The following ZDHHC20 variants were observed in gnomAD, a reference collection of about 807,000 sequenced individuals.
ZDHHC20 encodes zDHHC palmitoyltransferase 20.
In ZDHHC20, 43 loss-of-function variants were observed where a neutral mutation model predicts 57.8. The ratio of observed to expected loss-of-function variants is 0.74; its 90% CI spans 0.58 to 0.96. The LOEUF (loss-of-function observed/expected upper bound fraction) is 0.96, where lower values mean the gene tolerates loss of function less well. ZDHHC20 is among the 40% of genes least tolerant of loss of function. The pLI is 0.00. For synonymous variants in ZDHHC20, 157 were observed against 153.0 expected (o/e 1.03, Z -0.19); for missense variants, 391 against 441.1 (o/e 0.89, Z 1.02).
intron 1 of ZDHHC20, among the ~76,000 whole-genome samples, chr13:21,427,803 C>CCAG (rs1881436864): frequency 7.0e-6 from 1 of 142,378 alleles, no homozygotes; most frequent in Non-Finnish European, 1.5e-5. Context: ...CCACTGCACT[C>CCAG]CAGCCTGGAC....
chr13:21,399,427 A>G (rs1877300406), intron 7 of ZDHHC20, among the ~76,000 whole-genome samples: 2 of 152,058 alleles, frequency 1.3e-5, no homozygotes, highest in South Asian at 4.1e-4. Context: ...GCACATGCAC[A>G]GAGAAAATTA....
At chr13:21,427,948 CTT>C (rs1017973020) in intron 1 of ZDHHC20, among the ~76,000 whole-genome samples, 1 of 149,568 alleles carries the variant, frequency 6.7e-6, no homozygotes, top group Non-Finnish European at 1.5e-5. Context: ...TCCTACAACA[CTT>C]TATACTTTCC....
intron 1 of ZDHHC20, among the ~76,000 whole-genome samples, chr13:21,449,222 TA>T (rs1184669928): frequency 6.6e-6 from 1 of 151,696 alleles, no homozygotes; most frequent in African/African-American, 2.4e-5. Context: ...AATAAAAAAA[TA>T]AATTAAAAAA....
At chr13:21,402,686 G>T in intron 5 of ZDHHC20, 111 bp downstream of exon 5, 1 of 845,450 alleles carries the variant, frequency 1.2e-6, no homozygotes, top group Non-Finnish European at 1.9e-6. Context: ...AATGGGAGAG[G>T]ATGAAGTGTT....
At chr13:21,418,937 C>T (rs531198374) in intron 3 of ZDHHC20, among the ~76,000 whole-genome samples, 5 of 152,252 alleles carry the variant, frequency 3.3e-5, no homozygotes, top group South Asian at 2.1e-4. Context: ...CTTGGCCTTC[C>T]GAAGTGCTGG....
intron 7 of ZDHHC20, among the ~76,000 whole-genome samples, chr13:21,399,502 T>C (rs1327987014): frequency 6.6e-6 from 1 of 152,138 alleles, no homozygotes; most frequent in Non-Finnish European, 1.5e-5. Context: ...GCAGTTACTT[T>C]CAATGTTTTT....
At chr13:21,402,998 T>C in intron 4 of ZDHHC20, 132 bp from the exon 5 acceptor site, 1 of 644,182 alleles carries the variant, frequency 1.6e-6, no homozygotes, top group Non-Finnish European at 2.7e-6. Flanking sequence ...ATACCAACAA[T>C]ACCAAAATGT....
chr13:21,440,161 C>T (rs1882994771), intron 1 of ZDHHC20, among the ~76,000 whole-genome samples: 1 of 147,980 alleles, frequency 6.8e-6, no homozygotes, highest in East Asian at 2.1e-4. Context: ...AGCTCTACAA[C>T]TTACTCTCAT....
In ZDHHC20 at chr13:21,410,948, T is replaced by A. The variant is rs146614671; in HGVS notation, c.370+2704A>T. Among the ~76,000 whole-genome samples, 822 of 152,286 alleles carry A rather than the reference T, an allele frequency of 5.4e-3. 12 individuals carry two copies. Among genetic ancestry groups the A allele is most frequent in the African/African-American group, 0.019 (786 of 41,572 alleles). On this transcript the variant is annotated intron_variant, in intron 4 of 12. Coordinates refer to ENST00000400590, the MANE Select transcript of ZDHHC20 (RefSeq NM_001330059.2). ...GCAGCTAGCTCAGTGTCTGCCCAAA[T>A]GGCCACCCACTTTTGTGCTTGAAAC...
chr13:21,381,002 A>T (rs985822903), intron 11 of ZDHHC20, among the ~76,000 whole-genome samples: 14 of 151,052 alleles, frequency 9.3e-5, no homozygotes, highest in African/African-American at 1.5e-4. Context: ...TTATTTATTT[A>T]TTTTTTATTA....
At chr13:21,416,129 C>T (rs954037537) in intron 3 of ZDHHC20, among the ~76,000 whole-genome samples, 1 of 147,290 alleles carries the variant, frequency 6.8e-6, no homozygotes, top group Non-Finnish European at 1.5e-5. Flanking sequence ...TGCTTGAACC[C>T]GGGAGGTGGA....
At chr13:21,397,433 G>A (rs1248341173) in intron 7 of ZDHHC20, among the ~76,000 whole-genome samples, 2 of 152,076 alleles carry the variant, frequency 1.3e-5, no homozygotes, top group African/African-American at 2.4e-5. Flanking sequence ...AGGCCGAGGT[G>A]GGAGGACTGT....
chr13:21,381,539 T>C lies in ZDHHC20; in HGVS notation c.955A>G (p.Asn319Asp). 17 of 1,612,954 alleles carry C rather than the reference T, an allele frequency of 1.1e-5. No individual in the cohort carries two copies. The highest frequency in any genetic ancestry group is 1.4e-5 in the Non-Finnish European group (16 of 1,179,140). Residue 319 changes from asparagine to aspartate, a missense_variant, in exon 11 of 13, where the codon AAT (asparagine) becomes GAT (aspartate). Asn to Asp is a conservative substitution (Grantham distance 23). Around this residue, in one of 3 missense-constraint regions of ZDHHC20, gnomAD observed 197 missense variants for 220.8 expected, o/e 0.89. Transcript: ENST00000400590. ...AGTGGTTTGATAGGAAAAGGTTGAT[T>C]TGAGCCACTACTGAAAAGAAGAGCA... ...QNEYARSSGS[N>D]QPFPIKPLSE...
intron 7 of ZDHHC20, among the ~76,000 whole-genome samples, chr13:21,392,964 G>T (rs1593193921): frequency 6.6e-6 from 1 of 152,170 alleles, no homozygotes; most frequent in African/African-American, 2.4e-5. Context: ...TTTACCTTTG[G>T]ACAACTCTCT....
intron 4 of ZDHHC20, among the ~76,000 whole-genome samples, chr13:21,412,364 C>G (rs1302475325): frequency 6.6e-6 from 1 of 152,016 alleles, no homozygotes; most frequent in African/African-American, 2.4e-5. Context: ...TATTGTGGTA[C>G]TAGAATTCCA....
intron 4 of ZDHHC20, among the ~76,000 whole-genome samples, chr13:21,411,088 C>G (rs1488984652): frequency 6.6e-6 from 1 of 152,222 alleles, no homozygotes; most frequent in Non-Finnish European, 1.5e-5. Context: ...GGCACAGTCC[C>G]TCATGGCTTC....
intron 1 of ZDHHC20, among the ~76,000 whole-genome samples, chr13:21,451,135 A>C (rs1460425110): frequency 6.6e-6 from 1 of 152,220 alleles, no homozygotes; most frequent in Non-Finnish European, 1.5e-5. Context: ...ATTTAGGGAA[A>C]TAGGTTTTTT....
intron 2 of ZDHHC20, among the ~76,000 whole-genome samples, chr13:21,425,130 C>T (rs559650614): frequency 8.5e-5 from 13 of 152,232 alleles, no homozygotes; most frequent in Admixed American, 5.2e-4. Flanking sequence ...TCCCTCTGGG[C>T]ACTATCTTTT....
chr13:21,423,723 T>G lies in ZDHHC20; in HGVS notation c.145+1929A>C, dbSNP rs538239482. 7.3e-5 allele frequency among the ~76,000 whole-genome samples: 11 copies of G among 150,778 alleles called. No homozygotes were observed. The East Asian group carries it at 2.1e-3, about 29-fold the overall frequency. ...ATATATATTATATGTATATTTTATATATTACATATAATTGCTTCATTTGTT... is the reference window on the plus strand; with the variant it reads ...ATATATATTATATGTATATTTTATAGATTACATATAATTGCTTCATTTGTT... On this transcript the variant is annotated intron_variant, in intron 2 of 12. Transcript: ENST00000400590.
Sources: gnomAD v4.1 joint callset for allele counts (sites outside exome capture counted in the v4.1 genomes callset) on GRCh38, gnomAD v4.1.1 for gene constraint, gnomAD v4.1.1 regional missense constraint, MANE v1.5 for transcripts, NCBI Gene and HGNC (gene_info 2026-07-23, HGNC 2026-07-21) for gene names.